Variants in CNTN5 observed in about 807,000 individuals in gnomAD.
The protein encoded by CNTN5 is contactin 5, also known as contactin-5.
Under a neutral mutation model 129.1 loss-of-function variants are expected in CNTN5, and 77 were observed. That is an observed-to-expected ratio of 0.60 (90% confidence interval 0.50 to 0.72). CNTN5 has a LOEUF of 0.72. Among genes scored for constraint, CNTN5 ranks in the 30% least tolerant of loss-of-function variants. CNTN5 has a pLI of 0.00. For missense variants in CNTN5, 1,478 were observed against 1,328.8 expected (o/e 1.11, Z -1.75); for synonymous variants, 509 against 465.6 (o/e 1.09, Z -1.20).
At chr11:100,124,389 G>A (rs1238871387) in intron 13 of CNTN5, among the ~76,000 whole-genome samples, 1 of 151,980 alleles carries the variant, frequency 6.6e-6, no homozygotes, top group African/African-American at 2.4e-5. Context: ...GCAAAGGTTT[G>A]TAAATGTGTA....
At chr11:99,866,354 A>G (rs1182224371) in intron 6 of CNTN5, among the ~76,000 whole-genome samples, 1 of 152,210 alleles carries the variant, frequency 6.6e-6, no homozygotes, top group East Asian at 1.9e-4. Context: ...ATTTAAAATA[A>G]AAGCTTTTCT....
At chr11:99,239,678 G>A (rs1371973388) in intron 1 of CNTN5, among the ~76,000 whole-genome samples, 1 of 152,172 alleles carries the variant, frequency 6.6e-6, no homozygotes, top group Non-Finnish European at 1.5e-5. Context: ...GCTCACGCCT[G>A]TAATCCCAGC....
intron 1 of CNTN5, among the ~76,000 whole-genome samples, chr11:99,206,322 C>T (rs1859480142): frequency 6.6e-6 from 1 of 152,068 alleles, no homozygotes; most frequent in Non-Finnish European, 1.5e-5. Flanking sequence ...TAAGGATAGG[C>T]TGTGAGGCAA....
At chr11:99,611,468 G>A (rs945801754) in intron 3 of CNTN5, among the ~76,000 whole-genome samples, 3 of 152,078 alleles carry the variant, frequency 2.0e-5, no homozygotes, top group Admixed American at 6.6e-5. Flanking sequence ...TTTATCTGGC[G>A]GCTTAGAAAA....
intron 8 of CNTN5, among the ~76,000 whole-genome samples, chr11:99,969,567 A>C (rs572176494): frequency 6.6e-6 from 1 of 152,284 alleles, no homozygotes; most frequent in Non-Finnish European, 1.5e-5. Context: ...CATACAACTC[A>C]CAGAATTTTC....
At chr11:100,035,765 T>C (rs2137641457) in intron 9 of CNTN5, among the ~76,000 whole-genome samples, 1 of 151,862 alleles carries the variant, frequency 6.6e-6, no homozygotes, top group Non-Finnish European at 1.5e-5. Flanking sequence ...TGCATAAATG[T>C]CTTCTTTTGA....
chr11:99,989,479 T>G (rs1938910933), intron 8 of CNTN5, among the ~76,000 whole-genome samples: 1 of 151,406 alleles, frequency 6.6e-6, no homozygotes, highest in Non-Finnish European at 1.5e-5. Context: ...TTTCTAATTA[T>G]TCAAAAGGCT....
chr11:99,853,809 CTAT>C (rs1240218590), intron 6 of CNTN5, among the ~76,000 whole-genome samples: 1 of 151,874 alleles, frequency 6.6e-6, no homozygotes, highest in African/African-American at 2.4e-5. Flanking sequence ...GAAGGAAGTT[CTAT>C]TATTGACCTA....
At chr11:99,119,024 T>A (rs116621034) in intron 1 of CNTN5, among the ~76,000 whole-genome samples, 4,564 of 152,212 alleles carry the variant, frequency 0.03, 83 homozygotes, top group East Asian at 0.066. Flanking sequence ...GGAAATTTTT[T>A]AAATTACAAC....
chr11:99,770,734 C>G (rs1233904561), intron 3 of CNTN5, among the ~76,000 whole-genome samples: 1 of 151,810 alleles, frequency 6.6e-6, no homozygotes, highest in Non-Finnish European at 1.5e-5. Flanking sequence ...TTCTTACTAT[C>G]CAAAGTGATC....
At chr11:99,755,737 T>C (rs537345447) in intron 3 of CNTN5, among the ~76,000 whole-genome samples, 40 of 152,112 alleles carry the variant, frequency 2.6e-4, no homozygotes, top group Non-Finnish European at 4.4e-4. Context: ...GTATCTGTAA[T>C]GGGAATTAGA....
intron 21 of CNTN5, among the ~76,000 whole-genome samples, chr11:100,319,309 T>C (rs1951636630): frequency 6.6e-6 from 1 of 152,068 alleles, no homozygotes; most frequent in Non-Finnish European, 1.5e-5. Flanking sequence ...CGCACCACTG[T>C]GCCCAGGTGA....
chr11:99,490,958 T>C (rs1020386776), intron 2 of CNTN5, among the ~76,000 whole-genome samples: 1 of 152,016 alleles, frequency 6.6e-6, no homozygotes, highest in Non-Finnish European at 1.5e-5. Context: ...CTAACCACTA[T>C]TGGGACAGCT....
At chr11:99,863,090 G>A (rs763799126) in intron 6 of CNTN5, among the ~76,000 whole-genome samples, 21 of 152,056 alleles carry the variant, frequency 1.4e-4, no homozygotes, top group Non-Finnish European at 3.1e-4. Flanking sequence ...CTGAGGATTA[G>A]TTTGCTGTTG....
At chr11:99,574,353 T>G (rs1381074566) in intron 3 of CNTN5, among the ~76,000 whole-genome samples, 1 of 152,224 alleles carries the variant, frequency 6.6e-6, no homozygotes, top group Non-Finnish European at 1.5e-5. Flanking sequence ...TTGTGAATAG[T>G]GCTGCAATAA....
chr11:100,133,410 G>C (rs1279409512), intron 13 of CNTN5, among the ~76,000 whole-genome samples: 1 of 152,078 alleles, frequency 6.6e-6, no homozygotes, highest in Non-Finnish European at 1.5e-5. Flanking sequence ...TTGTTCTCTT[G>C]AAAGTATAGC....
At chr11:99,432,658 A>G (rs1391585808) in intron 2 of CNTN5, among the ~76,000 whole-genome samples, 1 of 151,846 alleles carries the variant, frequency 6.6e-6, no homozygotes, top group Non-Finnish European at 1.5e-5. Context: ...AAAAGCTGCT[A>G]GGGTCTATAT....
chr11:100,351,647 G>T (rs1195543320), intron 24 of CNTN5, among the ~76,000 whole-genome samples: 2 of 124,558 alleles, frequency 1.6e-5, no homozygotes, highest in Non-Finnish European at 3.2e-5. Context: ...CAACCATTTC[G>T]TAGAGATAGT....
chr11:100,226,704 T>G (rs536429119), intron 16 of CNTN5, among the ~76,000 whole-genome samples: 1 of 152,300 alleles, frequency 6.6e-6, no homozygotes, highest in Non-Finnish European at 1.5e-5. Context: ...TCTTGTCATT[T>G]CTTCCTGGTG....
Sources: allele counts gnomAD v4.1 joint callset (sites outside exome capture counted in the v4.1 genomes callset), GRCh38; gene constraint gnomAD v4.1.1; transcripts MANE v1.5; gene names NCBI Gene and HGNC (gene_info 2026-07-23, HGNC 2026-07-21).